Variants in PLPP3 observed in about 807,000 individuals in gnomAD.
The protein encoded by PLPP3 is phospholipid phosphatase 3.
Under a neutral mutation model 29.6 loss-of-function variants are expected in PLPP3, and 6 were observed. The observed-to-expected ratio is 0.20, with a 90% CI of 0.11 to 0.40. The LOEUF (loss-of-function observed/expected upper bound fraction) is 0.40. Among genes scored for constraint, PLPP3 ranks in the 10% least tolerant of loss-of-function variants. The probability of loss-of-function intolerance (pLI) is 1.00; values close to 1 mark genes in which losing one functional copy is unlikely to be tolerated. For missense variants in PLPP3, 308 were observed against 407.7 expected (o/e 0.76, Z 2.11); for synonymous variants, 152 against 159.7 (o/e 0.95, Z 0.36).
intron 2 of PLPP3, among the ~76,000 whole-genome samples, chr1:56,534,984 C>A (rs908024857): frequency 6.6e-6 from 1 of 152,130 alleles, no homozygotes; most frequent in African/African-American, 2.4e-5. Context: ...CCTTTCCTTA[C>A]TGTATTTTTA....
intron 1 of PLPP3, among the ~76,000 whole-genome samples, chr1:56,560,832 CTTTTTT>C (rs397860682): frequency 5.6e-5 from 5 of 89,332 alleles, no homozygotes; most frequent in African/African-American, 2.0e-4. Flanking sequence ...ATTCAGAGTC[CTTTTTT>C]TTTTTTTTTT....
At position 56,496,403 on chromosome 1, in the gene PLPP3, C is replaced by T; in HGVS notation, c.*148G>A. ...GCAAACACTACCTATTTTGGAAGGC[C>T]ACATAGTAAAACATTTTTTTTTTCC... On this transcript the variant is annotated 3_prime_UTR_variant, in exon 6 of 6. Transcript: ENST00000371250. 1 of 978,650 alleles carries T rather than the reference C, an allele frequency of 1.0e-6. No individual in the cohort carries two copies. The highest frequency in any genetic ancestry group is 1.5e-6 in the Non-Finnish European group (1 of 680,096). 60.6% of individuals were successfully genotyped at this position (978,650 alleles called of 1,614,324 possible). A position where few individuals can be genotyped will look rare whatever the true frequency, so the allele number is the denominator to read the frequency against.
Position 56,572,673 on chromosome 1 carries a change from T to C in PLPP3, c.139+6205A>G, listed in dbSNP as rs1320330405. Reference sequence around the variant, plus strand: ...TTCTTCTCAGAATCTTTTTCCTTAATATAGTTCAGGCAACTTTGCTGCCAA... The same window carrying C: ...TTCTTCTCAGAATCTTTTTCCTTAACATAGTTCAGGCAACTTTGCTGCCAA... On this transcript the variant is annotated intron_variant, in intron 1 of 5. Coordinates refer to ENST00000371250, the MANE Select transcript of PLPP3 (RefSeq NM_003713.5). Among the ~76,000 whole-genome samples the C allele has an allele frequency of 5.9e-5, 9 of 152,130 alleles. No individual in the cohort carries two copies. In the East Asian group the frequency reaches 1.5e-3, roughly 26 times the overall value.
intron 4 of PLPP3, among the ~76,000 whole-genome samples, chr1:56,521,743 C>T (rs10157636): frequency 0.17 from 25,821 of 152,068 alleles, 3,002 homozygotes; most frequent in African/African-American, 0.32. Context: ...TTCCTCTCTC[C>T]CTTTTCTCTT....
intron 2 of PLPP3, among the ~76,000 whole-genome samples, chr1:56,531,410 C>T (rs1309690186): frequency 6.6e-6 from 1 of 152,166 alleles, no homozygotes; most frequent in East Asian, 1.9e-4. Flanking sequence ...CTGTATTTTA[C>T]ACATCAGCTT....
chr1:56,528,738 C>T (rs1051528135), intron 2 of PLPP3, among the ~76,000 whole-genome samples: 8 of 151,166 alleles, frequency 5.3e-5, no homozygotes, highest in African/African-American at 7.3e-5. Flanking sequence ...GCTCCTTGGA[C>T]GATACCATAC....
chr1:56,512,192 T>C (rs966721400), intron 4 of PLPP3, 40 bp from the exon 5 acceptor site: 14 of 1,508,416 alleles, frequency 9.3e-6, no homozygotes, highest in Middle Eastern at 2.4e-4. Context: ...ATTAAGTGAC[T>C]CCCCACTCAC....
intron 1 of PLPP3, among the ~76,000 whole-genome samples, chr1:56,547,415 T>G (rs919331031): frequency 6.6e-5 from 10 of 152,028 alleles, no homozygotes; most frequent in Non-Finnish European, 1.3e-4. Flanking sequence ...ACCTAATCTC[T>G]CCCACATCCC....
intron 1 of PLPP3, among the ~76,000 whole-genome samples, chr1:56,551,318 TCGGTTTGG>T (rs924666433): frequency 1.6e-4 from 24 of 150,852 alleles, no homozygotes; most frequent in Non-Finnish European, 3.3e-4. Flanking sequence ...TCGGTTCGGT[TCGGTTTGG>T]TGGTGTGCAA....
intron 1 of PLPP3, among the ~76,000 whole-genome samples, chr1:56,565,861 C>A (rs1291408592): frequency 6.6e-6 from 1 of 152,180 alleles, no homozygotes; most frequent in African/African-American, 2.4e-5. Flanking sequence ...TTAATTCTTG[C>A]CCCTCTATGA....
intron 1 of PLPP3, among the ~76,000 whole-genome samples, chr1:56,571,984 C>G (rs1237407068): frequency 6.6e-6 from 1 of 150,782 alleles, no homozygotes; most frequent in Non-Finnish European, 1.5e-5. Flanking sequence ...CTTCCTTCCT[C>G]AGCAAATACA....
At chr1:56,519,821 G>T (rs947477621) in intron 4 of PLPP3, among the ~76,000 whole-genome samples, 1 of 152,018 alleles carries the variant, frequency 6.6e-6, no homozygotes, top group Non-Finnish European at 1.5e-5. Flanking sequence ...CTGTGTGCAG[G>T]ATAATTTGGT....
chr1:56,543,364 G>C (rs1332180213), intron 1 of PLPP3, among the ~76,000 whole-genome samples: 1 of 152,148 alleles, frequency 6.6e-6, no homozygotes, highest in Non-Finnish European at 1.5e-5. Flanking sequence ...TGAGTAAATT[G>C]GTCACTGGGT....
chr1:56,529,095 T>G (rs942651018), intron 2 of PLPP3, among the ~76,000 whole-genome samples: 1 of 152,070 alleles, frequency 6.6e-6, no homozygotes, highest in Non-Finnish European at 1.5e-5. Flanking sequence ...TTTACAGCTT[T>G]CAAAGCACTT....
In PLPP3 at chr1:56,577,194, C is replaced by A. The variant is rs146499872; in HGVS notation, c.139+1684G>T. ...CATGTGTTTAGTGCTTCCTTGTACT[C>A]CCCTGGGACCAGAGAGGGTCTTTTA... On this transcript the variant is annotated intron_variant, in intron 1 of 5. Transcript: ENST00000371250. Among the ~76,000 whole-genome samples, 90 of 152,288 alleles carry A rather than the reference C, an allele frequency of 5.9e-4. No homozygotes were observed. In the East Asian group the frequency reaches 0.017, roughly 28 times the overall value.
At chr1:56,530,591 C>T (rs757219231) in intron 2 of PLPP3, among the ~76,000 whole-genome samples, 8 of 152,230 alleles carry the variant, frequency 5.3e-5, no homozygotes, top group Non-Finnish European at 7.3e-5. Context: ...ATTGTCCATC[C>T]GGCTTTTGCA....
At chr1:56,557,012 G>GAAAGAAAGAAAGAAA in intron 1 of PLPP3, among the ~76,000 whole-genome samples, 1 of 9,124 alleles carries the variant, frequency 1.1e-4, no homozygotes, top group African/African-American at 3.1e-4. Flanking sequence ...GAAAGAAAGA[G>GAAAGAAAGAAAGAAA]AGAGAGAGAG....
chr1:56,563,392 T>C (rs1478778390), intron 1 of PLPP3, among the ~76,000 whole-genome samples: 1 of 152,216 alleles, frequency 6.6e-6, no homozygotes, highest in Non-Finnish European at 1.5e-5. Context: ...TTCATTTCCC[T>C]GGCTTTTTAA....
chr1:56,557,018 G>GAAAGAAAGAAAGAAGGAAAGAAAGAAA (rs1273560377), intron 1 of PLPP3, among the ~76,000 whole-genome samples: 1 of 13,798 alleles, frequency 7.2e-5, no homozygotes, highest in African/African-American at 2.1e-4. Context: ...AAGAGAGAGA[G>GAAAGAAAGAAAGAAGGAAAGAAAGAAA]AGAGAGAAAG....
Sources: gnomAD v4.1 joint callset for allele counts (sites outside exome capture counted in the v4.1 genomes callset) on GRCh38, gnomAD v4.1.1 for gene constraint, MANE v1.5 for transcripts, NCBI Gene and HGNC (gene_info 2026-07-23, HGNC 2026-07-21) for gene names.